Variants in AARS1 observed in about 807,000 individuals in gnomAD.
AARS1 encodes alanyl-tRNA synthetase 1.
In AARS1, 72 loss-of-function variants were observed where a neutral mutation model predicts 108.9. The observed-to-expected ratio is 0.66, with a 90% CI of 0.55 to 0.80. AARS1 has a LOEUF of 0.80. Among genes scored for constraint, AARS1 ranks in the 30% least tolerant of loss-of-function variants. AARS1 has a pLI of 0.00. For synonymous variants in AARS1, 489 were observed against 465.7 expected, an observed-to-expected ratio of 1.05 and a Z score of -0.64; for missense variants, 1,193 against 1,233.2, an observed-to-expected ratio of 0.97 and a Z score of 0.49.
Position 70,255,796 on chromosome 16 carries a change from C to G in AARS1, c.2218G>C (p.Val740Leu), listed in dbSNP as rs749217453. Residue 740 changes from valine to leucine, a missense_variant, in exon 16 of 21, where the codon GTG becomes CTG. Transcript: ENST00000261772. ...NSSHAGAFVIVTEEAIAKGIR... is the reference protein window; with the variant it reads ...NSSHAGAFVILTEEAIAKGIR... ...CCCTTGGCAATGGCTTCTTCCGTCACGATCACAAAAGCTCCTGCATGACTC... is the reference window on the plus strand; with the variant it reads ...CCCTTGGCAATGGCTTCTTCCGTCAGGATCACAAAAGCTCCTGCATGACTC... 8 of 1,614,058 alleles carry G rather than the reference C, an allele frequency of 5.0e-6. No individual in the cohort carries two copies. The highest frequency in any genetic ancestry group is 2.2e-5 in the East Asian group (1 of 44,898).
chr16:70,287,374 G>C (rs1960874347), intron 1 of AARS1, among the ~76,000 whole-genome samples: 1 of 132,354 alleles, frequency 7.6e-6, no homozygotes, highest in Non-Finnish European at 1.5e-5. Flanking sequence ...GCTGCAGCGA[G>C]CCGAGATCAT....
At chr16:70,276,377 G>C in intron 4 of AARS1, 109 bp downstream of exon 4, 1 of 1,306,796 alleles carries the variant, frequency 7.7e-7, no homozygotes, top group Non-Finnish European at 1.1e-6. Flanking sequence ...CATCTCAAAA[G>C]GAACCCTGAG....
At chr16:70,266,329 A>G (rs1960261932) in intron 9 of AARS1, among the ~76,000 whole-genome samples, 1 of 149,534 alleles carries the variant, frequency 6.7e-6, no homozygotes, top group Non-Finnish European at 1.5e-5. Context: ...TAAAAAATAA[A>G]AAAAAATAAA....
At chr16:70,266,182 C>T (rs974585743) in intron 9 of AARS1, among the ~76,000 whole-genome samples, 7 of 152,034 alleles carry the variant, frequency 4.6e-5, no homozygotes, top group African/African-American at 1.4e-4. Flanking sequence ...GGCATGGTGG[C>T]GGGCGCCTGT....
chr16:70,253,662 C>A (rs770042588), intron 19 of AARS1, 52 bp downstream of exon 19: 3 of 1,589,218 alleles, frequency 1.9e-6, no homozygotes, highest in Non-Finnish European at 1.7e-6. Flanking sequence ...CACATGTCAG[C>A]CACCAGAGAG....
At chr16:70,268,836 C>T (rs955146783) in intron 7 of AARS1, among the ~76,000 whole-genome samples, 2 of 152,204 alleles carry the variant, frequency 1.3e-5, no homozygotes, top group African/African-American at 2.4e-5. Context: ...CTGAAACTCC[C>T]TTCATCCCTT....
At chr16:70,280,945 A>G (rs1319789468) in intron 2 of AARS1, among the ~76,000 whole-genome samples, 1 of 152,138 alleles carries the variant, frequency 6.6e-6, no homozygotes, top group Non-Finnish European at 1.5e-5. Context: ...GTCCCGCCTC[A>G]GCCTCCCCAG....
chr16:70,255,046 A>C (rs531836203), intron 16 of AARS1, among the ~76,000 whole-genome samples: 21 of 152,016 alleles, frequency 1.4e-4, no homozygotes, highest in Non-Finnish European at 2.6e-4. Flanking sequence ...AGTTCCCATG[A>C]AAGAGCACCC....
rs1485047907 is a variant in AARS1 at position 70,253,982 on chromosome 16, G to A, written c.2457C>T (p.Leu819=). ...CATCCATGACCTTCTTTAGGGATTT[G>A]AGAGTCTCCCGCAATTCATCCTTCT... The part of the protein sequence containing the change: ...QWQKDELRET[L]KSLKKVMDDL... Residue 819 remains leucine (L), a synonymous_variant, in exon 18 of 21, where the codon CTC becomes CTT. Coordinates refer to ENST00000261772, the MANE Select transcript of AARS1 (RefSeq NM_001605.3). The A allele has an allele frequency of 3.7e-6, 6 of 1,614,130 alleles. No individual in the cohort carries two copies. The highest frequency in any genetic ancestry group is 5.1e-6 in the Non-Finnish European group (6 of 1,180,040).
chr16:70,253,491 C>G (rs1020643844), intron 19 of AARS1, 110 bp from the exon 20 acceptor site: 5 of 1,089,288 alleles, frequency 4.6e-6, no homozygotes, highest in African/African-American at 1.5e-5. Context: ...CTTCCCAGAG[C>G]AGGGGCTGTG....
intron 4 of AARS1, among the ~76,000 whole-genome samples, chr16:70,274,725 G>C (rs555934101): frequency 1.3e-5 from 2 of 150,704 alleles, no homozygotes; most frequent in African/African-American, 4.9e-5. Context: ...ATTCCATCTC[G>C]GCGGGGGTGG....
At chr16:70,285,946 T>C (rs1242713420) in intron 1 of AARS1, among the ~76,000 whole-genome samples, 3 of 152,170 alleles carry the variant, frequency 2.0e-5, no homozygotes, top group African/African-American at 7.2e-5. Context: ...AAAAGACACA[T>C]GAATTTCCCA....
In AARS1 at chr16:70,254,044, AC is replaced by A; in HGVS notation, c.2401-7del. 6.2e-7 allele frequency: 1 copy of A among 1,613,886 alleles called. No individual in the cohort carries two copies. Among genetic ancestry groups the A allele is most frequent in the Non-Finnish European group, 8.5e-7 (1 of 1,180,022 alleles). On this transcript the variant is annotated splice_region_variant and splice_polypyrimidine_tract_variant and intron_variant, in intron 17 of 20. Coordinates refer to ENST00000261772, the MANE Select transcript of AARS1 (RefSeq NM_001605.3). ...ATGACTGCAGTGGCCAGGGCCTGGA[AC>A]CAATAGACGACCATCTCAATCTGGG... is the stretch of plus-strand genomic sequence containing the variant.
intron 10 of AARS1, 27 bp downstream of exon 10, chr16:70,265,511 T>C (rs1159825254): frequency 1.9e-6 from 3 of 1,613,328 alleles, no homozygotes; most frequent in Non-Finnish European, 2.5e-6. Flanking sequence ...GGTGTTGGGT[T>C]TCCTGTTCAC....
At chr16:70,259,331 T>C in intron 13 of AARS1, 145 bp from the exon 14 acceptor site, 1 of 854,980 alleles carries the variant, frequency 1.2e-6, no homozygotes, top group Non-Finnish European at 1.9e-6. Context: ...TCCCTATGGC[T>C]AAGTGTGTCC....
At chr16:70,256,166 T>C (rs1478375230) in intron 15 of AARS1, among the ~76,000 whole-genome samples, 2 of 152,236 alleles carry the variant, frequency 1.3e-5, no homozygotes, top group Non-Finnish European at 2.9e-5. Flanking sequence ...TCCATTTTTG[T>C]ATTCTGCTCA....
intron 4 of AARS1, 66 bp from the exon 5 acceptor site, chr16:70,272,038 C>T: frequency 6.7e-7 from 1 of 1,494,786 alleles, no homozygotes; most frequent in Non-Finnish European, 9.3e-7. Flanking sequence ...GACTTGCAAC[C>T]ACCGCAAAAG....
In AARS1 at chr16:70,254,601, G is replaced by T; in HGVS notation, c.2400+20C>A. 1 of 1,548,666 alleles carries T rather than the reference G, an allele frequency of 6.5e-7. No homozygotes were observed. Among genetic ancestry groups the T allele is most frequent in the South Asian group, 1.1e-5 (1 of 89,840 alleles). On this transcript the variant is annotated intron_variant, in intron 17 of 20. Coordinates refer to ENST00000261772, the MANE Select transcript of AARS1 (RefSeq NM_001605.3). ...TCATGCACCAGGCCCTGAGGACGGA[G>T]GGAGGGAAGCCGCCCCTACCTCTCC...
intron 19 of AARS1, 102 bp from the exon 20 acceptor site, chr16:70,253,483 T>G: frequency 9.1e-7 from 1 of 1,103,378 alleles, no homozygotes; most frequent in Non-Finnish European, 1.4e-6. Context: ...CCCTACCCCT[T>G]CCCAGAGCAG....
Sources: allele counts gnomAD v4.1 joint callset (sites outside exome capture counted in the v4.1 genomes callset), GRCh38; gene constraint gnomAD v4.1.1; transcripts MANE v1.5; gene names NCBI Gene and HGNC (gene_info 2026-07-23, HGNC 2026-07-21).